DPP6: variants seen among roughly 807,000 people sequenced by gnomAD.
The protein encoded by DPP6 is A-type potassium channel modulatory protein DPP6.
DPP6 carries 69 observed loss-of-function variants against 122.6 expected under a neutral mutation model. The ratio of observed to expected loss-of-function variants is 0.56; its 90% confidence interval spans 0.46 to 0.69. The LOEUF (loss-of-function observed/expected upper bound fraction) is 0.69. DPP6 is among the 30% of genes least tolerant of loss of function. The pLI is 0.00. For synonymous variants in DPP6, 418 were observed against 433.1 expected (o/e 0.97, Z 0.43); for missense variants, 928 against 1,116.9 (o/e 0.83, Z 2.41).
At chr7:154,231,966 C>T (rs184379805) in intron 1 of DPP6, among the ~76,000 whole-genome samples, 1 of 152,220 alleles carries the variant, frequency 6.6e-6, no homozygotes, top group South Asian at 2.1e-4. Flanking sequence ...CATCCAGAGG[C>T]TACAGGGTTG....
chr7:153,773,912 G>A, the DPP6 span, among the ~76,000 whole-genome samples: 10 of 148,980 alleles, frequency 6.7e-5, no homozygotes, highest in East Asian at 2.0e-4. Flanking sequence ...CAATTAAACC[G>A]AAAGCTGGTA....
At chr7:153,803,696 T>C in the DPP6 span, among the ~76,000 whole-genome samples, 1 of 151,368 alleles carries the variant, frequency 6.6e-6, no homozygotes, top group Admixed American at 6.6e-5. Context: ...GTATTATATA[T>C]GTAAAGATAT....
At chr7:153,974,783 T>TG (rs1486992426) in intron 1 of DPP6, among the ~76,000 whole-genome samples, 6 of 152,196 alleles carry the variant, frequency 3.9e-5, no homozygotes, top group African/African-American at 1.4e-4. Context: ...GAGACTCTGG[T>TG]GCAAGGCAGT....
At chr7:154,549,985 A>C (rs1397379665) in intron 4 of DPP6, among the ~76,000 whole-genome samples, 1 of 152,362 alleles carries the variant, frequency 6.6e-6, no homozygotes, top group Admixed American at 6.5e-5. Flanking sequence ...TCCTTTATTT[A>C]TAATTTTTAG....
intron 16 of DPP6, among the ~76,000 whole-genome samples, chr7:154,815,688 G>A (rs961772127): frequency 2.6e-5 from 4 of 152,288 alleles, no homozygotes; most frequent in East Asian, 3.9e-4. Flanking sequence ...TCCTGAAGCC[G>A]AGGATGGAAT....
the DPP6 span, among the ~76,000 whole-genome samples, chr7:153,757,338 G>A: frequency 0.01 from 1,569 of 151,800 alleles, no homozygotes; most frequent in African/African-American, 0.036. Flanking sequence ...CAAAATGTGC[G>A]CACAGCAGAA....
intron 1 of DPP6, among the ~76,000 whole-genome samples, chr7:154,275,947 A>C (rs570008114): frequency 1.2e-4 from 18 of 152,352 alleles, no homozygotes; most frequent in African/African-American, 3.8e-4. Context: ...ATGCAATTTG[A>C]AAACTTGGGA....
At chr7:154,328,014 G>A (rs1199938554) in intron 1 of DPP6, among the ~76,000 whole-genome samples, 1 of 152,158 alleles carries the variant, frequency 6.6e-6, no homozygotes, top group African/African-American at 2.4e-5. Context: ...TGTTTCCTGA[G>A]ACCCCTCTGG....
chr7:154,215,988 T>G (rs1799973217), intron 1 of DPP6, among the ~76,000 whole-genome samples: 2 of 152,058 alleles, frequency 1.3e-5, no homozygotes, highest in Non-Finnish European at 2.9e-5. Flanking sequence ...GAGAGGGCAG[T>G]CGTGGGCCCA....
intron 6 of DPP6, among the ~76,000 whole-genome samples, chr7:154,642,676 C>A (rs190344585): frequency 6.7e-6 from 1 of 150,226 alleles, no homozygotes; most frequent in South Asian, 2.1e-4. Flanking sequence ...TGGTGGCTCA[C>A]GCCTGTAATC....
chr7:154,772,260 C>T (rs1453798721), intron 9 of DPP6, among the ~76,000 whole-genome samples: 1 of 152,208 alleles, frequency 6.6e-6, no homozygotes, highest in East Asian at 1.9e-4. Flanking sequence ...TGTCGTGGGC[C>T]TGATAGCCTC....
chr7:154,798,623 G>T (rs1798177385), intron 12 of DPP6, among the ~76,000 whole-genome samples: 1 of 152,218 alleles, frequency 6.6e-6, no homozygotes, highest in Non-Finnish European at 1.5e-5. Context: ...CCCATCAGCT[G>T]CAGTTGTGAT....
chr7:154,266,495 C>T (rs1803428082), intron 1 of DPP6, among the ~76,000 whole-genome samples: 2 of 152,328 alleles, frequency 1.3e-5, no homozygotes, highest in East Asian at 1.9e-4. Flanking sequence ...ATGAGAATCA[C>T]TTGAACCTGG....
At chr7:154,550,454 A>G (rs745775700) in intron 4 of DPP6, among the ~76,000 whole-genome samples, 14 of 152,206 alleles carry the variant, frequency 9.2e-5, no homozygotes, top group Non-Finnish European at 2.1e-4. Context: ...AGCAGAGACA[A>G]ATATAAAATT....
the DPP6 span, among the ~76,000 whole-genome samples, chr7:153,785,260 G>T: frequency 5.7e-4 from 87 of 151,912 alleles, 1 homozygote; most frequent in East Asian, 1.6e-3. Context: ...GCTCCCTTTT[G>T]GTGTCCATTC....
intron 1 of DPP6, among the ~76,000 whole-genome samples, chr7:154,280,983 T>TTTTATTTATTTATTTATTTA (rs146635527): frequency 4.2e-5 from 6 of 142,990 alleles, no homozygotes; most frequent in African/African-American, 1.3e-4. Flanking sequence ...TTATTTCTTA[T>TTTTATTTATTTATTTATTTA]TTTATTTATT....
At chr7:154,180,765 C>T (rs1798043523) in intron 1 of DPP6, among the ~76,000 whole-genome samples, 1 of 151,988 alleles carries the variant, frequency 6.6e-6, no homozygotes, top group Non-Finnish European at 1.5e-5. Flanking sequence ...CCTCCATGTT[C>T]TTACCCATAT....
intron 1 of DPP6, among the ~76,000 whole-genome samples, chr7:154,289,771 T>G (rs1805084705): frequency 1.3e-5 from 2 of 151,130 alleles, no homozygotes; most frequent in Admixed American, 1.3e-4. Flanking sequence ...TGTATTTATT[T>G]GTCATTGCCT....
At chr7:154,428,309 G>A (rs1306035333) in intron 1 of DPP6, among the ~76,000 whole-genome samples, 1 of 152,166 alleles carries the variant, frequency 6.6e-6, no homozygotes, top group Non-Finnish European at 1.5e-5. Context: ...TATCCTGGAT[G>A]TCTTCTTTTT....
Sources: allele counts gnomAD v4.1 joint callset (sites outside exome capture counted in the v4.1 genomes callset), GRCh38; gene constraint gnomAD v4.1.1; transcripts MANE v1.5; gene names NCBI Gene and HGNC (gene_info 2026-07-23, HGNC 2026-07-21).